Variants in NF1 observed in about 807,000 individuals in gnomAD.
NF1 encodes the protein neurofibromin.
In NF1, 122 loss-of-function variants were observed where a neutral mutation model predicts 325.7. The ratio of observed to expected loss-of-function variants is 0.37; its 90% CI spans 0.32 to 0.44. The LOEUF (loss-of-function observed/expected upper bound fraction) is 0.44. NF1 is among the 20% of genes least tolerant of loss of function. The pLI is 1.00. For missense variants in NF1, 2,140 were observed against 3,415.4 expected, an observed-to-expected ratio of 0.63 and a Z score of 9.31; for synonymous variants, 1,091 against 1,186.0, an observed-to-expected ratio of 0.92 and a Z score of 1.65.
At chr17:31,242,837 C>G (rs763622218) in intron 29 of NF1, among the ~76,000 whole-genome samples, 1 of 152,104 alleles carries the variant, frequency 6.6e-6, no homozygotes, top group Non-Finnish European at 1.5e-5. Flanking sequence ...TCTGGATGGT[C>G]TTGATGCTTA....
At chr17:31,130,276 C>T (rs1477704864) in intron 1 of NF1, among the ~76,000 whole-genome samples, 2 of 152,076 alleles carry the variant, frequency 1.3e-5, no homozygotes, top group Non-Finnish European at 2.9e-5. Flanking sequence ...GAACCTGCTG[C>T]ACTGGAGGGG....
intron 36 of NF1, chr17:31,314,238 G>C (rs1427474067): frequency 3.0e-5 from 11 of 364,332 alleles, no homozygotes; most frequent in Non-Finnish European, 4.9e-5. Context: ...TGATTTGAGT[G>C]CTTTTAATTA....
At chr17:31,356,169 G>A (rs1454066387) in intron 51 of NF1, 3 of 328,360 alleles carry the variant, frequency 9.1e-6, no homozygotes, top group African/African-American at 6.4e-5. Flanking sequence ...TATCATATTT[G>A]TTGATTTACC....
At chr17:31,194,209 A>G (rs369767353) in intron 8 of NF1, among the ~76,000 whole-genome samples, 1 of 152,220 alleles carries the variant, frequency 6.6e-6, no homozygotes, top group South Asian at 2.1e-4. Flanking sequence ...TTCAGCCATA[A>G]AAAAGAATGA....
At chr17:31,268,186 C>T (rs746719646) in intron 36 of NF1, among the ~76,000 whole-genome samples, 8 of 152,158 alleles carry the variant, frequency 5.3e-5, no homozygotes, top group Non-Finnish European at 8.8e-5. Flanking sequence ...CAGTACTGCA[C>T]ATCTGAAATT....
chr17:31,370,225 T>C (rs78797994), intron 57 of NF1, among the ~76,000 whole-genome samples: 17 of 152,300 alleles, frequency 1.1e-4, no homozygotes, highest in Non-Finnish European at 2.1e-4. Flanking sequence ...ATATCAACTT[T>C]TGACATAGTG....
chr17:31,288,004 C>T (rs2068271079), intron 36 of NF1, among the ~76,000 whole-genome samples: 1 of 151,316 alleles, frequency 6.6e-6, no homozygotes, highest in African/African-American at 2.4e-5. Context: ...GTGGGTGCAG[C>T]ACACCAGCAT....
chr17:31,152,331 T>G (rs1917003150), intron 1 of NF1, among the ~76,000 whole-genome samples: 1 of 151,826 alleles, frequency 6.6e-6, no homozygotes, highest in African/African-American at 2.4e-5. Flanking sequence ...AGTTTCAAGT[T>G]TTTAAAAATT....
intron 13 of NF1, among the ~76,000 whole-genome samples, chr17:31,215,651 G>T (rs1230247394): frequency 6.6e-6 from 1 of 152,168 alleles, no homozygotes; most frequent in Non-Finnish European, 1.5e-5. Context: ...ACTAATTAAT[G>T]CACCAAATGT....
chr17:31,097,127 G>T (rs954878523), intron 1 of NF1, among the ~76,000 whole-genome samples: 2 of 152,026 alleles, frequency 1.3e-5, no homozygotes, highest in African/African-American at 4.8e-5. Context: ...TTCATCTCTA[G>T]GCTTATTTGC....
At chr17:31,159,384 A>G (rs1044749882) in intron 3 of NF1, among the ~76,000 whole-genome samples, 3 of 152,176 alleles carry the variant, frequency 2.0e-5, no homozygotes, top group Admixed American at 1.3e-4. Context: ...AGAGATCACT[A>G]TTTGATTTAA....
intron 36 of NF1, among the ~76,000 whole-genome samples, chr17:31,319,423 T>C (rs1298813261): frequency 6.6e-6 from 1 of 151,986 alleles, no homozygotes; most frequent in African/African-American, 2.4e-5. Flanking sequence ...ACCCACCCTC[T>C]AACCTGTCAC....
At chr17:31,252,665 C>A (rs1597738583) in intron 30 of NF1, 1 of 414,004 alleles carries the variant, frequency 2.4e-6, no homozygotes, top group Non-Finnish European at 4.4e-6. Context: ...CTCAAATTCA[C>A]TTGGAGAGAG....
chr17:31,376,005 G>C lies in NF1; in HGVS notation c.*1850G>C, dbSNP rs2070726055. 4.3e-6 allele frequency: 1 copy of C among 232,892 alleles called. No individual in the cohort carries two copies. Among genetic ancestry groups the C allele is most frequent in the Non-Finnish European group, 8.5e-6 (1 of 117,688 alleles). 14.4% of individuals were successfully genotyped at this position (232,892 alleles called of 1,614,324 possible). ...CTTTTGTTTTTAAACTATTGTAGAG[G>C]CTGCATTAGAAGAAAATGTTTATAA... On this transcript the variant is annotated 3_prime_UTR_variant, in exon 58 of 58. Coordinates refer to ENST00000358273, the MANE Select transcript of NF1 (RefSeq NM_001042492.3).
rs928902213 is a variant in NF1 at position 31,255,685 on chromosome 17, T to C, written c.4174-2659T>C. 2.6e-5 allele frequency among the ~76,000 whole-genome samples: 4 copies of C among 152,140 alleles called. No individual in the cohort carries two copies. In the East Asian group the frequency reaches 7.7e-4, roughly 29 times the overall value. On this transcript the variant is annotated intron_variant, in intron 31 of 57. Coordinates refer to ENST00000358273, the MANE Select transcript of NF1 (RefSeq NM_001042492.3). ...ATATGCTTTTGGGAAATCACTCAGTTTTTCATTAAATTCTGAGGCTGAGTA... is the reference window on the plus strand; with the variant it reads ...ATATGCTTTTGGGAAATCACTCAGTCTTTCATTAAATTCTGAGGCTGAGTA...
chr17:31,336,278 T>G lies in NF1; in HGVS notation c.6007-55T>G. On this transcript the variant is annotated intron_variant, in intron 40 of 57. Transcript: ENST00000358273. This position sits in a 1 kb window ranked among gnomAD's most constrained non-coding sequence, Gnocchi z 5.5. ...GCTGTTCCAATGAATATTTTTTAAT[T>G]AAAAATTAAATTGGTAGAGTGATTA... is the stretch of plus-strand genomic sequence containing the variant. 3 of 1,581,148 alleles carry G rather than the reference T, an allele frequency of 1.9e-6. No homozygotes were observed. The highest frequency in any genetic ancestry group is 2.6e-6 in the Non-Finnish European group (3 of 1,156,564).
At chr17:31,228,192 T>C (rs1361194562) in intron 20 of NF1, among the ~76,000 whole-genome samples, 2 of 152,212 alleles carry the variant, frequency 1.3e-5, no homozygotes, top group African/African-American at 4.8e-5. Flanking sequence ...CTATTACTAT[T>C]GACTATATTA....
In NF1 at chr17:31,352,299, TGAAG is replaced by T; in HGVS notation, c.7503_7506del (p.Glu2501AspfsTer21). 6.2e-7 allele frequency: 1 copy of T among 1,614,190 alleles called. No homozygotes were observed. The highest frequency in any genetic ancestry group is 8.5e-7 in the Non-Finnish European group (1 of 1,180,016). The stretch of plus-strand genomic sequence containing the variant: ...AGCCATGGTCCTCTCCCAAAGGTTC[TGAAG>T]GATACCTTGCAGCCACCTATCCAAC... On this transcript the variant is annotated frameshift_variant, in exon 51 of 58. Transcript: ENST00000358273. LOFTEE classifies it high-confidence loss of function.
chr17:31,331,216 G>A (rs774900873), intron 39 of NF1: 48 of 152,058 alleles, frequency 3.2e-4, no homozygotes, highest in Non-Finnish European at 6.5e-4. Flanking sequence ...GGTAAGAGAT[G>A]TAGGACTATA....
Sources: gnomAD v4.1 joint callset for allele counts (sites outside exome capture counted in the v4.1 genomes callset) on GRCh38, gnomAD v4.1.1 for gene constraint, Gnocchi (gnomAD v3.1) non-coding constraint, MANE v1.5 for transcripts, NCBI Gene and HGNC (gene_info 2026-07-23, HGNC 2026-07-21) for gene names.